Variants in WNT7A observed in about 807,000 individuals in gnomAD.
WNT7A encodes the protein protein Wnt-7a.
WNT7A carries 16 observed loss-of-function variants against 28.2 expected under a neutral mutation model. That is an observed-to-expected ratio of 0.57 (90% CI 0.38 to 0.86). The LOEUF (loss-of-function observed/expected upper bound fraction) is 0.86. Among genes scored for constraint, WNT7A ranks in the 40% least tolerant of loss-of-function variants. The pLI, the probability that WNT7A is intolerant of heterozygous loss-of-function variation, is 0.00. For synonymous variants in WNT7A, 190 were observed against 195.9 expected, an observed-to-expected ratio of 0.97 and a Z score of 0.25; for missense variants, 411 against 489.7, an observed-to-expected ratio of 0.84 and a Z score of 1.52.
chr3:13,868,480 G>GAAAGAAGA (rs1694945087), intron 2 of WNT7A, among the ~76,000 whole-genome samples: 2 of 115,296 alleles, frequency 1.7e-5, no homozygotes, highest in African/African-American at 7.0e-5. Flanking sequence ...GTCAGAAAAG[G>GAAAGAAGA]AAAGAACGAA....
At chr3:13,827,598 C>T (rs1301960920) in intron 3 of WNT7A, among the ~76,000 whole-genome samples, 1 of 152,010 alleles carries the variant, frequency 6.6e-6, no homozygotes, top group African/African-American at 2.4e-5. Flanking sequence ...TGTCCCAGAC[C>T]CTCGGGCTGC....
Position 13,819,064 on chromosome 3 carries a change from C to T in WNT7A, c.930G>A (p.Gly310=). 1.9e-6 allele frequency: 3 copies of T among 1,614,010 alleles called. No homozygotes were observed. Among genetic ancestry groups the T allele is most frequent in the Non-Finnish European group, 2.5e-6 (3 of 1,179,892 alleles). Residue 310 remains glycine, a synonymous_variant, in exon 4 of 4, where the codon GGG becomes GGA. Transcript: ENST00000285018. The part of the protein sequence containing the change: ...QASGCDLMCC[G]RGYNTHQYAR... ...CGTACTGGTGGGTGTTGTAGCCACGCCCACAGCACATGAGGTCACAGCCGC... is the reference window on the plus strand; with the variant it reads ...CGTACTGGTGGGTGTTGTAGCCACGTCCACAGCACATGAGGTCACAGCCGC...
intron 3 of WNT7A, among the ~76,000 whole-genome samples, chr3:13,825,138 C>T (rs1313232947): frequency 6.6e-6 from 1 of 152,208 alleles, no homozygotes; most frequent in Non-Finnish European, 1.5e-5. Flanking sequence ...TTGGTAAGAG[C>T]AGCTGTCTCT....
chr3:13,819,667 A>G (rs1489595970), intron 3 of WNT7A, among the ~76,000 whole-genome samples: 1 of 152,244 alleles, frequency 6.6e-6, no homozygotes, highest in African/African-American at 2.4e-5. Flanking sequence ...GGATAACGAT[A>G]GTGCCTAACT....
chr3:13,861,178 T>G (rs1694822148), intron 2 of WNT7A, among the ~76,000 whole-genome samples: 1 of 152,184 alleles, frequency 6.6e-6, no homozygotes. Flanking sequence ...AGATCATCCA[T>G]GTGGAGCCTG....
chr3:13,856,890 GAAAAAGAA>G (rs1559303174), intron 2 of WNT7A, among the ~76,000 whole-genome samples: 17 of 69,188 alleles, frequency 2.5e-4, no homozygotes, highest in African/African-American at 1.3e-3. Context: ...GGAAGAAGAA[GAAAAAGAA>G]GAAGAAGAAG....
At position 13,854,802 on chromosome 3, in the gene WNT7A, C is replaced by G; in HGVS notation, c.300G>C (p.Gly100=). The G allele has an allele frequency of 6.2e-7, 1 of 1,612,240 alleles. No homozygotes were observed. Among genetic ancestry groups the G allele is most frequent in the Non-Finnish European group, 8.5e-7 (1 of 1,180,040 alleles). ...CGTAGGTGAACGCAGCCTCCCGGCT[C>G]CCTGCGAGGAGGAGAGAAGAGGAGA... is the stretch of plus-strand genomic sequence containing the variant. The part of the protein sequence containing the change: ...RTVFGKELKV[G]SREAAFTYAI... Residue 100 remains glycine (G), a splice_region_variant and synonymous_variant, in exon 3 of 4, where the codon GGG becomes GGC. Transcript: ENST00000285018.
chr3:13,826,129 G>A, intron 3 of WNT7A, among the ~76,000 whole-genome samples: 1 of 152,222 alleles, frequency 6.6e-6, no homozygotes, highest in East Asian at 1.9e-4. Context: ...CGTCACCCCT[G>A]CTGGGGAGTT....
intron 3 of WNT7A, among the ~76,000 whole-genome samples, chr3:13,852,173 C>T (rs1363103459): frequency 1.3e-5 from 2 of 152,372 alleles, no homozygotes; most frequent in Middle Eastern, 3.4e-3. Flanking sequence ...AGCCCCTCAT[C>T]AGGTCTGCAG....
intron 1 of WNT7A, among the ~76,000 whole-genome samples, chr3:13,876,244 G>A (rs116135515): frequency 1.7e-3 from 255 of 152,294 alleles, no homozygotes; most frequent in African/African-American, 5.5e-3. Flanking sequence ...AGACAAGTTC[G>A]GGGTCTTCAA....
rs560141935 is a variant in WNT7A, at chr3:13,854,682, C to T, written c.420G>A (p.Gln140=). ...ACTTCCAGCCCTCGTCCCGGTGGTA[C>T]TGGCCTTGCTTCTCTTTGTCGCAGC... ...DCGCDKEKQG[Q]YHRDEGWKWG... The change falls in exon 3 of 4, where the codon CAG becomes CAA. Residue 140 remains glutamine (Q), a synonymous_variant. Coordinates refer to ENST00000285018, the MANE Select transcript of WNT7A (RefSeq NM_004625.4). The T allele has an allele frequency of 3.1e-5, 50 of 1,614,184 alleles. No homozygotes were observed. The East Asian group carries it at 1.1e-3, about 35-fold the overall frequency.
At chr3:13,854,866 G>GA in intron 2 of WNT7A, 63 bp from the exon 3 acceptor site, 1 of 1,600,768 alleles carries the variant, frequency 6.2e-7, no homozygotes. Flanking sequence ...AGAGGAGGCT[G>GA]GGCCTGACTG....
At chr3:13,865,598 A>C (rs561316505) in intron 2 of WNT7A, among the ~76,000 whole-genome samples, 85 of 152,302 alleles carry the variant, frequency 5.6e-4, no homozygotes, top group African/African-American at 2.0e-3. Context: ...AACAGCCGTC[A>C]CTCACGCAAC....
chr3:13,842,076 C>T (rs550768462), intron 3 of WNT7A, among the ~76,000 whole-genome samples: 61 of 151,884 alleles, frequency 4.0e-4, no homozygotes, highest in African/African-American at 1.4e-3. Flanking sequence ...GGGAAGGAGA[C>T]AGGGGTGAGG....
chr3:13,848,774 CA>C lies in WNT7A; in HGVS notation c.570+5757del, dbSNP rs1215734763. 6.6e-5 allele frequency among the ~76,000 whole-genome samples: 10 copies of C among 151,454 alleles called. No individual in the cohort carries two copies. The East Asian group carries it at 9.7e-4, about 15-fold the overall frequency. ...AAATAGAACCTTACATTCACACACA[CA>C]AAAAAAAAACCTGTACACACATGGA... On this transcript the variant is annotated intron_variant, in intron 3 of 3. Transcript: ENST00000285018.
intron 2 of WNT7A, among the ~76,000 whole-genome samples, chr3:13,856,318 G>A (rs962785106): frequency 3.3e-5 from 5 of 152,252 alleles, no homozygotes; most frequent in African/African-American, 1.2e-4. Flanking sequence ...CCTGACAGGA[G>A]CTGCTGAGAA....
At chr3:13,848,322 G>C (rs567756278) in intron 3 of WNT7A, among the ~76,000 whole-genome samples, 1 of 152,272 alleles carries the variant, frequency 6.6e-6, no homozygotes, top group East Asian at 1.9e-4. Context: ...TTTGCCAACC[G>C]CATGTCTGAC....
intron 3 of WNT7A, among the ~76,000 whole-genome samples, chr3:13,838,117 G>C (rs560377153): frequency 6.6e-6 from 1 of 152,250 alleles, no homozygotes; most frequent in African/African-American, 2.4e-5. Context: ...TCCCAGCTGA[G>C]GGTGCGGTGG....
Position 13,854,679 on chromosome 3 carries a change from GT to G in WNT7A, c.422del (p.Tyr141SerfsTer40), listed in dbSNP as rs777922081. 2 of 1,614,186 alleles carry G rather than the reference GT, an allele frequency of 1.2e-6. No individual in the cohort carries two copies. Among genetic ancestry groups the G allele is most frequent in the Non-Finnish European group, 1.7e-6 (2 of 1,180,044 alleles). On this transcript the variant is annotated frameshift_variant, in exon 3 of 4. Coordinates refer to ENST00000285018, the MANE Select transcript of WNT7A (RefSeq NM_004625.4). LOFTEE classifies it high-confidence loss of function. ...CCCACTTCCAGCCCTCGTCCCGGTG[GT>G]ACTGGCCTTGCTTCTCTTTGTCGCA... ...CGCDKEKQGQ[Y>X]HRDEGWKWGG...
Sources: allele counts gnomAD v4.1 joint callset (sites outside exome capture counted in the v4.1 genomes callset), GRCh38; gene constraint gnomAD v4.1.1; transcripts MANE v1.5; gene names NCBI Gene and HGNC (gene_info 2026-07-23, HGNC 2026-07-21).